ETF1: variants seen among roughly 807,000 people sequenced by gnomAD.
ETF1 encodes eukaryotic peptide chain release factor subunit 1.
In ETF1, 4 loss-of-function variants were observed where a neutral mutation model predicts 55.1. The observed-to-expected ratio is 0.07, with a 90% confidence interval of 0.04 to 0.17. The LOEUF (loss-of-function observed/expected upper bound fraction) is 0.17, where lower values mean the gene tolerates loss of function less well. Among genes scored for constraint, ETF1 ranks in the 10% least tolerant of loss-of-function variants. The pLI is 1.00. For synonymous variants in ETF1, 157 were observed against 182.3 expected, an observed-to-expected ratio of 0.86 and a Z score of 1.12; for missense variants, 142 against 523.6, an observed-to-expected ratio of 0.27 and a Z score of 7.11.
At chr5:138,540,957 CTTCA>C (rs1561849076) in intron 2 of ETF1, among the ~76,000 whole-genome samples, 1 of 152,168 alleles carries the variant, frequency 6.6e-6, no homozygotes, top group Non-Finnish European at 1.5e-5. Context: ...TTCAATGTTA[CTTCA>C]TTCAAACAGG....
In ETF1 at chr5:138,513,028, T is replaced by C. The variant is rs1343635593; in HGVS notation, c.542-74A>G. ...AGATGTCTTCAAATTAAAAATAAAA[T>C]AATCATGTCATCATCTAAGAAAAGG... is the stretch of plus-strand genomic sequence containing the variant. On this transcript the variant is annotated intron_variant, in intron 5 of 10. Coordinates refer to ENST00000360541, the MANE Select transcript of ETF1 (RefSeq NM_004730.4). The C allele has an allele frequency of 7.7e-6, 11 of 1,428,330 alleles. No individual in the cohort carries two copies. The Admixed American group carries it at 3.2e-4, about 41-fold the overall frequency. The allele number at this position is 1,428,330 out of a possible 1,614,324, so 88.5% of individuals were successfully genotyped here.
rs1360244242 is a variant in ETF1 at position 138,531,152 on chromosome 5, T to TAG, written c.86+11679_86+11680dup. Among the ~76,000 whole-genome samples the TAG allele has an allele frequency of 2.6e-5, 4 of 152,354 alleles. No homozygotes were observed. The East Asian group carries it at 7.7e-4, about 29-fold the overall frequency. On this transcript the variant is annotated intron_variant, in intron 2 of 10. Coordinates refer to ENST00000360541, the MANE Select transcript of ETF1 (RefSeq NM_004730.4). ...GTTATGAGGGCTCTGCCCTCATGAA[T>TAG]AGATTCATGCTGCTATTTAAAATAA...
At chr5:138,515,023 T>C (rs1430215264) in intron 4 of ETF1, among the ~76,000 whole-genome samples, 1 of 152,244 alleles carries the variant, frequency 6.6e-6, no homozygotes, top group Admixed American at 6.5e-5. Flanking sequence ...CCACAACACC[T>C]GGCCTTACCA....
intron 4 of ETF1, 21 bp from the exon 5 acceptor site, chr5:138,513,727 C>A: frequency 1.3e-6 from 2 of 1,585,772 alleles, no homozygotes; most frequent in South Asian, 2.2e-5. Context: ...AACACAAGTA[C>A]CACACGGTGA....
Position 138,511,539 on chromosome 5 carries a change from T to C in ETF1, c.798A>G (p.Gln266=). The C allele has an allele frequency of 6.2e-7, 1 of 1,613,540 alleles. No homozygotes were observed. The highest frequency in any genetic ancestry group is 1.7e-5 in the Admixed American group (1 of 60,014). Residue 266 remains glutamine, a synonymous_variant, in exon 7 of 11, where the codon CAA becomes CAG. Transcript: ENST00000360541. The part of the protein sequence containing the change: ...ISYGGENGFN[Q]AIELSTEVLS... ...GGACTTCAGTAGATAACTCAATAGC[T>C]TGGTTGAATCCATTTTCACCACCAT... is the stretch of plus-strand genomic sequence containing the variant.
At chr5:138,528,804 T>C (rs1765579484) in intron 2 of ETF1, among the ~76,000 whole-genome samples, 1 of 152,190 alleles carries the variant, frequency 6.6e-6, no homozygotes, top group South Asian at 2.1e-4. Context: ...ACTTTAAAAA[T>C]TTAAAGGGTA....
chr5:138,511,976 C>T, intron 6 of ETF1: 2 of 716,846 alleles, frequency 2.8e-6, no homozygotes, highest in Non-Finnish European at 3.4e-6. Flanking sequence ...GAGAGGCAGA[C>T]AGCTTGAGTC....
chr5:138,526,848 A>C (rs1278997052), intron 2 of ETF1, among the ~76,000 whole-genome samples: 1 of 152,050 alleles, frequency 6.6e-6, no homozygotes, highest in African/African-American at 2.4e-5. Context: ...CTACAGGCGC[A>C]TGCAACCACA....
intron 5 of ETF1, chr5:138,513,219 CATCATACTGTT>C (rs1764884318): frequency 1.0e-6 from 1 of 984,850 alleles, no homozygotes; most frequent in African/African-American, 1.7e-5. Flanking sequence ...ACTCCCCTCA[CATCATACTGTT>C]TTCTCTCTCT....
At chr5:138,536,942 T>A (rs1173279817) in intron 2 of ETF1, among the ~76,000 whole-genome samples, 1 of 152,220 alleles carries the variant, frequency 6.6e-6, no homozygotes, top group African/African-American at 2.4e-5. Flanking sequence ...ACTCTAATTA[T>A]GTACTCTTGC....
At chr5:138,522,243 T>A (rs545579660) in intron 2 of ETF1, among the ~76,000 whole-genome samples, 1 of 152,288 alleles carries the variant, frequency 6.6e-6, no homozygotes, top group East Asian at 1.9e-4. Flanking sequence ...ATGCAAATCA[T>A]ATTATCTCTT....
Position 138,535,200 on chromosome 5 carries a change from T to C in ETF1, c.86+7633A>G, listed in dbSNP as rs568207518. On this transcript the variant is annotated intron_variant, in intron 2 of 10. Coordinates refer to ENST00000360541, the MANE Select transcript of ETF1 (RefSeq NM_004730.4). ...TCCTTACCTCAGTGATCTACCTGCC[T>C]AGACCTCCCAAAGTACTGGGATTAC... Among the ~76,000 whole-genome samples, 437 of 152,114 alleles carry C rather than the reference T, an allele frequency of 2.9e-3. 5 individuals are homozygous for C. Among genetic ancestry groups the C allele is most frequent in the African/African-American group, 9.9e-3 (411 of 41,542 alleles).
At chr5:138,509,894 CAAAAAA>C (rs34092773) in intron 9 of ETF1, among the ~76,000 whole-genome samples, 4 of 66,390 alleles carry the variant, frequency 6.0e-5, no homozygotes, top group Non-Finnish European at 8.7e-5. Context: ...AACTCCACCT[CAAAAAA>C]AAAAAAAAAA....
chr5:138,534,295 G>C (rs1412318890), intron 2 of ETF1, among the ~76,000 whole-genome samples: 2 of 152,060 alleles, frequency 1.3e-5, no homozygotes. Flanking sequence ...ACAATGATAG[G>C]CATTATTAGT....
At chr5:138,513,485 T>TGA in intron 5 of ETF1, 83 bp downstream of exon 5, 1 of 1,234,420 alleles carries the variant, frequency 8.1e-7, no homozygotes, top group Non-Finnish European at 1.2e-6. Flanking sequence ...ATTACAGGCG[T>TGA]GAGCCACCGC....
intron 2 of ETF1, among the ~76,000 whole-genome samples, chr5:138,533,088 G>C (rs1765771081): frequency 6.6e-6 from 1 of 151,862 alleles, no homozygotes; most frequent in African/African-American, 2.4e-5. Flanking sequence ...TACAGACACG[G>C]ACCACCACGC....
In ETF1 at chr5:138,506,686, A is replaced by T. The variant is rs1764572126; in HGVS notation, c.*1619T>A. The T allele has an allele frequency of 6.5e-6, 1 of 152,696 alleles. No homozygotes were observed. The highest frequency in any genetic ancestry group is 2.1e-4 in the South Asian group (1 of 4,838). 9.5% of individuals were successfully genotyped at this position (152,696 alleles called of 1,614,324 possible). A position where few individuals can be genotyped will look rare whatever the true frequency, so the allele number is the denominator to read the frequency against. ...TTGACAGACAGTATTTGGACCTCAG[A>T]GTACAGTGTGAGAACCAGAAACTTT... is the stretch of plus-strand genomic sequence containing the variant. On this transcript the variant is annotated 3_prime_UTR_variant, in exon 11 of 11. Coordinates refer to ENST00000360541, the MANE Select transcript of ETF1 (RefSeq NM_004730.4).
At chr5:138,540,102 C>T (rs778285861) in intron 2 of ETF1, among the ~76,000 whole-genome samples, 32 of 152,148 alleles carry the variant, frequency 2.1e-4, no homozygotes, top group Non-Finnish European at 4.3e-4. Context: ...AAATTTGGGT[C>T]ATATATCAAG....
intron 7 of ETF1, 70 bp downstream of exon 7, chr5:138,511,389 TACACACACACACATAC>T (rs1337619354): frequency 1.8e-5 from 25 of 1,412,108 alleles, no homozygotes; most frequent in Middle Eastern, 2.2e-4. Flanking sequence ...ATCACGTACA[TACACACACACACATAC>T]ACACACACAC....
Sources: allele counts gnomAD v4.1 joint callset (sites outside exome capture counted in the v4.1 genomes callset), GRCh38; gene constraint gnomAD v4.1.1; transcripts MANE v1.5; gene names NCBI Gene and HGNC (gene_info 2026-07-23, HGNC 2026-07-21).